The following N4BP2L2 variants were observed in gnomAD, a reference collection of about 807,000 sequenced individuals.
The protein encoded by N4BP2L2 is NEDD4-binding protein 2-like 2.
In N4BP2L2, 50 loss-of-function variants were observed where a neutral mutation model predicts 56.2. The observed-to-expected ratio is 0.89, with a 90% CI of 0.71 to 1.13. The LOEUF (loss-of-function observed/expected upper bound fraction) is 1.13, where lower values mean the gene tolerates loss of function less well. Among genes scored for constraint, N4BP2L2 ranks in the 50% most tolerant of loss-of-function variants. The probability of loss-of-function intolerance (pLI) is 0.00; values close to 1 mark genes in which losing one functional copy is unlikely to be tolerated. For missense variants in N4BP2L2, 689 were observed against 693.8 expected, an observed-to-expected ratio of 0.99 and a Z score of 0.08; for synonymous variants, 203 against 223.6, an observed-to-expected ratio of 0.91 and a Z score of 0.82.
chr13:32,496,299 A>G (rs2088621578), intron 6 of N4BP2L2, among the ~76,000 whole-genome samples: 2 of 152,166 alleles, frequency 1.3e-5, no homozygotes, highest in African/African-American at 2.4e-5. Context: ...GAATTGGGTC[A>G]GCTGGCTGAT....
intron 6 of N4BP2L2, among the ~76,000 whole-genome samples, chr13:32,503,273 A>T (rs2090355294): frequency 6.6e-6 from 1 of 152,054 alleles, no homozygotes; most frequent in African/African-American, 2.4e-5. Flanking sequence ...AATACTATAA[A>T]TCTCAGTGTT....
chr13:32,477,990 T>G, intron 6 of N4BP2L2: 1 of 1,289,436 alleles, frequency 7.8e-7, no homozygotes. Flanking sequence ...AGTCATTGTC[T>G]GACATACTGG....
chr13:32,532,357 A>C (rs1219266732), intron 2 of N4BP2L2, among the ~76,000 whole-genome samples: 1 of 151,778 alleles, frequency 6.6e-6, no homozygotes, highest in Admixed American at 6.6e-5. Flanking sequence ...AAAAACCTCT[A>C]TTTTCTTCCA....
At chr13:32,452,128 C>T (rs1456392421) in intron 6 of N4BP2L2, among the ~76,000 whole-genome samples, 1 of 148,290 alleles carries the variant, frequency 6.7e-6, no homozygotes, top group African/African-American at 2.5e-5. Context: ...ATGGTGCAAT[C>T]TTGGCTCATC....
chr13:32,481,578 T>C (rs1279209733), intron 6 of N4BP2L2, among the ~76,000 whole-genome samples: 1 of 152,166 alleles, frequency 6.6e-6, no homozygotes, highest in Non-Finnish European at 1.5e-5. Flanking sequence ...GTAATTTTAA[T>C]GGAAGAGGGA....
chr13:32,460,235 G>A (rs1156359604), intron 6 of N4BP2L2, among the ~76,000 whole-genome samples: 2 of 152,074 alleles, frequency 1.3e-5, no homozygotes, highest in Non-Finnish European at 2.9e-5. Context: ...TTTCCTCTAA[G>A]AACTGAAACA....
intron 6 of N4BP2L2, among the ~76,000 whole-genome samples, chr13:32,471,347 G>A (rs1363607862): frequency 6.6e-6 from 1 of 152,212 alleles, no homozygotes; most frequent in Non-Finnish European, 1.5e-5. Flanking sequence ...AGGCCAAGGT[G>A]GACCTCTGGG....
At chr13:32,512,783 G>C (rs1393273230) in exon 6 of N4BP2L2, 1 of 152,364 alleles carries the variant, frequency 6.6e-6, no homozygotes, top group Non-Finnish European at 1.5e-5. Context: ...AGTAATCCCA[G>C]CACTTTGGGA....
At chr13:32,444,916 T>C (rs2076805834) in intron 6 of N4BP2L2, among the ~76,000 whole-genome samples, 1 of 152,186 alleles carries the variant, frequency 6.6e-6, no homozygotes, top group African/African-American at 2.4e-5. Context: ...CTGCATACTG[T>C]AGGCAATTAT....
chr13:32,509,257 A>G (rs1392707218), downstream of N4BP2L2: 1 of 152,206 alleles, frequency 6.6e-6, no homozygotes, highest in East Asian at 1.9e-4. Context: ...TGATGCTCAA[A>G]GAAAATGTTC....
intron 6 of N4BP2L2, among the ~76,000 whole-genome samples, chr13:32,475,277 TC>T (rs1211962998): frequency 6.6e-6 from 1 of 152,172 alleles, no homozygotes; most frequent in Non-Finnish European, 1.5e-5. Context: ...TGATTTCTGG[TC>T]AAGGTTGAGA....
intron 6 of N4BP2L2, among the ~76,000 whole-genome samples, chr13:32,475,353 AAG>A (rs2083106268): frequency 6.6e-6 from 1 of 152,168 alleles, no homozygotes; most frequent in African/African-American, 2.4e-5. Context: ...ATAGAAAAAG[AAG>A]AGAGAGAGAA....
intron 6 of N4BP2L2, chr13:32,478,065 A>T (rs2083722294): frequency 1.6e-6 from 2 of 1,288,666 alleles, no homozygotes; most frequent in Non-Finnish European, 1.0e-6. Flanking sequence ...GAAAATTGTG[A>T]AATATATTCA....
exon 6 of N4BP2L2, chr13:32,511,627 CTTGA>C (rs1288301454): frequency 6.6e-6 from 1 of 152,056 alleles, no homozygotes; most frequent in Non-Finnish European, 1.5e-5. Context: ...ATAAGTTTAA[CTTGA>C]TTAAGTAAGG....
At chr13:32,527,835 G>A (rs961834105) in intron 2 of N4BP2L2, among the ~76,000 whole-genome samples, 2 of 148,816 alleles carry the variant, frequency 1.3e-5, no homozygotes, top group Non-Finnish European at 1.5e-5. Flanking sequence ...GCAGTGGCAC[G>A]ATCTTGGCTC....
At chr13:32,489,059 C>T (rs147058765) in intron 6 of N4BP2L2, among the ~76,000 whole-genome samples, 3 of 152,282 alleles carry the variant, frequency 2.0e-5, no homozygotes, top group East Asian at 1.9e-4. Flanking sequence ...GGTGACAGAG[C>T]AAGACTCTGT....
At chr13:32,498,664 A>G (rs553869241) in intron 6 of N4BP2L2, among the ~76,000 whole-genome samples, 1 of 152,060 alleles carries the variant, frequency 6.6e-6, no homozygotes, top group East Asian at 1.9e-4. Flanking sequence ...TCTTTATTAT[A>G]CATTACTAAA....
intron 8 of N4BP2L2, chr13:32,436,529 C>A (rs374607665): frequency 2.0e-5 from 8 of 402,166 alleles, no homozygotes; most frequent in East Asian, 5.2e-5. Flanking sequence ...GTGGCTCACG[C>A]CTGTAATCCC....
chr13:32,524,597 A>G (rs1034741350), intron 3 of N4BP2L2: 2 of 152,252 alleles, frequency 1.3e-5, no homozygotes, highest in African/African-American at 4.8e-5. Context: ...AATAATAAAC[A>G]TGAAGCAGAC....
Sources: allele counts gnomAD v4.1 joint callset (sites outside exome capture counted in the v4.1 genomes callset), GRCh38; gene constraint gnomAD v4.1.1; transcripts MANE v1.5; gene names NCBI Gene and HGNC (gene_info 2026-07-23, HGNC 2026-07-21).